FAM81A: variants seen among roughly 807,000 people sequenced by gnomAD.
The protein encoded by FAM81A is family with sequence similarity 81 member A.
In FAM81A, 19 loss-of-function variants were observed where a neutral mutation model predicts 46.7. The observed-to-expected ratio is 0.41, with a 90% CI of 0.28 to 0.60. The LOEUF is 0.60. FAM81A is among the 20% of genes least tolerant of loss of function. FAM81A has a pLI of 0.34. For synonymous variants in FAM81A, 183 were observed against 152.9 expected (o/e 1.20, Z -1.45); for missense variants, 377 against 453.5 (o/e 0.83, Z 1.53).
chr15:59,497,128 AAAGAAGAAGAAGAAG>A (rs367828817), intron 4 of FAM81A, among the ~76,000 whole-genome samples: 37 of 149,100 alleles, frequency 2.5e-4, no homozygotes, highest in African/African-American at 9.0e-4. Flanking sequence ...CAAATTTAAA[AAAGAAGAAGAAGAAG>A]AAGAAGAAGA....
intron 8 of FAM81A, among the ~76,000 whole-genome samples, chr15:59,517,853 T>G (rs988515080): frequency 6.6e-6 from 1 of 152,246 alleles, no homozygotes; most frequent in Non-Finnish European, 1.5e-5. Flanking sequence ...AGGAATGTAT[T>G]GTTATTTAAC....
In FAM81A at chr15:59,411,190, C is replaced by G. The variant is rs147423424; in HGVS notation, c.-78+8832C>G. Among the ~76,000 whole-genome samples the G allele has an allele frequency of 3.5e-4, 53 of 152,242 alleles. 1 individual carries two copies. In the East Asian group the frequency reaches 7.9e-3, roughly 23 times the overall value. ...ACCCCAAATATCATAACGCACAGAT[C>G]AAGGAGGGTTAGGGACCATGCACAG... On this transcript the variant is annotated intron_variant, in intron 2 of 4. Coordinates refer to the FAM81A transcript ENST00000558348.
intron 2 of FAM81A, among the ~76,000 whole-genome samples, chr15:59,409,290 C>A (rs555981097): frequency 6.6e-6 from 1 of 152,160 alleles, no homozygotes; most frequent in East Asian, 1.9e-4. Context: ...CCGAAGATGC[C>A]TTTCTCCGGG....
chr15:59,467,655 C>T (rs896570328), intron 3 of FAM81A, among the ~76,000 whole-genome samples: 2 of 152,186 alleles, frequency 1.3e-5, no homozygotes, highest in Non-Finnish European at 2.9e-5. Context: ...CATCTGCAAA[C>T]AGGGACAATT....
In FAM81A at chr15:59,432,158, T is replaced by C. The variant is rs964146828; in HGVS notation, c.-77-26392T>C. On this transcript the variant is annotated intron_variant, in intron 2 of 4. Coordinates refer to the FAM81A transcript ENST00000558348. ...TCTATATGCCTTTACCTGGCAGGCA[T>C]GTACTCATAAAGCGCTCGTTTCAGT... 9.8e-5 allele frequency among the ~76,000 whole-genome samples: 15 copies of C among 152,342 alleles called. No homozygotes were observed. In the East Asian group the frequency reaches 2.9e-3, roughly 29 times the overall value.
In FAM81A at chr15:59,466,379, C is replaced by T. The variant is rs939341261; in HGVS notation, c.294+6173C>T. Among the ~76,000 whole-genome samples, 3 of 152,094 alleles carry T rather than the reference C, an allele frequency of 2.0e-5. No homozygotes were observed. The East Asian group carries it at 5.8e-4, about 29-fold the overall frequency. ...CTTGCTAGCATCTGTTGTTTCCTGA[C>T]TTTTTAATGATTGCCATTCTAACTG... On this transcript the variant is annotated intron_variant, in intron 3 of 8. Transcript: ENST00000288228.
chr15:59,481,470 C>G (rs774278837), intron 3 of FAM81A, among the ~76,000 whole-genome samples: 2 of 152,018 alleles, frequency 1.3e-5, no homozygotes, highest in Non-Finnish European at 2.9e-5. Flanking sequence ...TAATTCCACC[C>G]TAGAGATAAG....
upstream of FAM81A, among the ~76,000 whole-genome samples, chr15:59,433,846 T>A (rs2081231729): frequency 6.6e-6 from 1 of 152,162 alleles, no homozygotes; most frequent in African/African-American, 2.4e-5. Flanking sequence ...GTGAAACATT[T>A]TATTTTTGAG....
chr15:59,470,472 C>A (rs1383432574), intron 3 of FAM81A, among the ~76,000 whole-genome samples: 14 of 152,144 alleles, frequency 9.2e-5, no homozygotes, highest in Non-Finnish European at 1.5e-5. Flanking sequence ...ATCACTGATA[C>A]CCTTTCTTCC....
intron 3 of FAM81A, among the ~76,000 whole-genome samples, chr15:59,491,892 G>C (rs758902189): frequency 1.1e-4 from 17 of 151,996 alleles, no homozygotes; most frequent in Non-Finnish European, 1.8e-4. Context: ...CTTGAACCTG[G>C]GAGGCAGAAG....
upstream of FAM81A, among the ~76,000 whole-genome samples, chr15:59,434,411 A>G (rs11638680): frequency 0.39 from 59,538 of 152,082 alleles, 12,092 homozygotes; most frequent in Middle Eastern, 0.46. Context: ...CCTTTCTTGC[A>G]TTTCTACAGC....
At chr15:59,488,648 C>A (rs1421502125) in intron 3 of FAM81A, among the ~76,000 whole-genome samples, 1 of 152,194 alleles carries the variant, frequency 6.6e-6, no homozygotes, top group South Asian at 2.1e-4. Flanking sequence ...AAGAAGAAAT[C>A]AAGAAAGTAA....
At chr15:59,437,340 G>C (rs2081250261), upstream of FAM81A, among the ~76,000 whole-genome samples, 1 of 151,976 alleles carries the variant, frequency 6.6e-6, no homozygotes, top group African/African-American at 2.4e-5. Context: ...GCACGAACCA[G>C]ATGAGGCAAA....
At chr15:59,496,566 C>T (rs1441187549) in intron 4 of FAM81A, among the ~76,000 whole-genome samples, 1 of 152,018 alleles carries the variant, frequency 6.6e-6, no homozygotes, top group African/African-American at 2.4e-5. Context: ...GATCTCGCCA[C>T]TGCACTCCAG....
chr15:59,424,864 C>T (rs1338073609), intron 2 of FAM81A, among the ~76,000 whole-genome samples: 1 of 152,158 alleles, frequency 6.6e-6, no homozygotes, highest in African/African-American at 2.4e-5. Context: ...ACTTTCTCTT[C>T]CTTCTCTTAT....
rs560873376 is a variant in FAM81A at position 59,418,091 on chromosome 15, G to C, written c.-78+15733G>C. On this transcript the variant is annotated intron_variant, in intron 2 of 4. Transcript: ENST00000558348. ...CCAGTTTCATCCATATCCCTACAAAGGATATGAACTCATCCTTTTAAAATA... is the reference window on the plus strand; with the variant it reads ...CCAGTTTCATCCATATCCCTACAAACGATATGAACTCATCCTTTTAAAATA... Among the ~76,000 whole-genome samples the C allele has an allele frequency of 3.8e-4, 58 of 152,302 alleles. 2 individuals carry two copies. In the South Asian group the frequency reaches 0.011, roughly 30 times the overall value.
intron 8 of FAM81A, among the ~76,000 whole-genome samples, chr15:59,518,409 C>T (rs568306094): frequency 2.1e-4 from 32 of 152,158 alleles, no homozygotes; most frequent in Non-Finnish European, 4.1e-4. Flanking sequence ...CTACAGCCTC[C>T]TGGGCTCAGG....
At chr15:59,442,354 T>C (rs1246160609) in intron 1 of FAM81A, among the ~76,000 whole-genome samples, 2 of 152,118 alleles carry the variant, frequency 1.3e-5, no homozygotes, top group Admixed American at 1.3e-4. Flanking sequence ...GGCTCATGCT[T>C]GTAATCCCAG....
chr15:59,469,680 C>T (rs2081660102), intron 3 of FAM81A, among the ~76,000 whole-genome samples: 2 of 152,052 alleles, frequency 1.3e-5, no homozygotes, highest in Admixed American at 1.3e-4. Flanking sequence ...ATTTGCCAGT[C>T]TGTGTCTTTT....
Sources: allele counts gnomAD v4.1 joint callset (sites outside exome capture counted in the v4.1 genomes callset), GRCh38; gene constraint gnomAD v4.1.1; transcripts MANE v1.5; gene names NCBI Gene and HGNC (gene_info 2026-07-23, HGNC 2026-07-21).